Variants in TBC1D32 observed in about 807,000 individuals in gnomAD.
TBC1D32 encodes the protein TBC1 domain family member 32.
A neutral mutation model predicts 170.3 loss-of-function variants in TBC1D32; 151 were observed. That is an observed-to-expected ratio of 0.89 (90% CI 0.78 to 1.01). The LOEUF (loss-of-function observed/expected upper bound fraction) is 1.01. Ranked by LOEUF, TBC1D32 falls within the 50% of genes least tolerant of loss-of-function variation. The pLI is 0.00. For synonymous variants in TBC1D32, 498 were observed against 488.0 expected (o/e 1.02, Z -0.27); for missense variants, 1,464 against 1,457.1 (o/e 1.00, Z -0.08).
intron 17 of TBC1D32, among the ~76,000 whole-genome samples, chr6:121,248,168 C>A (rs1797862188): frequency 6.6e-6 from 1 of 151,782 alleles, no homozygotes; most frequent in Non-Finnish European, 1.5e-5. Context: ...CAAAAGGAAC[C>A]CTCAAAACTA....
Position 121,242,196 on chromosome 6 carries a change from C to T in TBC1D32, c.2157+5G>A. 6.2e-7 allele frequency: 1 copy of T among 1,609,908 alleles called. No individual in the cohort carries two copies. Among genetic ancestry groups the T allele is most frequent in the Non-Finnish European group, 8.5e-7 (1 of 1,178,702 alleles). On this transcript the variant is annotated splice_donor_5th_base_variant and intron_variant, in intron 18 of 31. Coordinates refer to ENST00000398212, the MANE Select transcript of TBC1D32 (RefSeq NM_152730.6). ...CCTTTGCCTTTGGCAGATGGTAATT[C>T]ATACCTGTAATTTTTTTGCATATCG...
chr6:121,183,043 T>TGC (rs534464861), intron 22 of TBC1D32, among the ~76,000 whole-genome samples: 9,809 of 151,616 alleles, frequency 0.065, 621 homozygotes, highest in Admixed American at 0.21. Context: ...AGACTGTGTG[T>TGC]GTGTGTGTTT....
chr6:121,324,907 G>T (rs1452749026), intron 1 of TBC1D32, among the ~76,000 whole-genome samples: 1 of 152,108 alleles, frequency 6.6e-6, no homozygotes, highest in Non-Finnish European at 1.5e-5. Flanking sequence ...GCACGATGAG[G>T]TAAGTCAAAA....
intron 15 of TBC1D32, among the ~76,000 whole-genome samples, chr6:121,277,668 A>T (rs1321716035): frequency 6.6e-6 from 1 of 151,728 alleles, no homozygotes; most frequent in East Asian, 1.9e-4. Flanking sequence ...AATATTATAA[A>T]AAAAGAAAAG....
At chr6:121,211,667 T>C (rs1194044897) in intron 21 of TBC1D32, among the ~76,000 whole-genome samples, 4 of 152,096 alleles carry the variant, frequency 2.6e-5, no homozygotes, top group African/African-American at 9.7e-5. Context: ...TATGGCTGAG[T>C]AGTATTACAT....
chr6:121,126,722 T>C (rs1473104520), intron 25 of TBC1D32, among the ~76,000 whole-genome samples: 1 of 152,120 alleles, frequency 6.6e-6, no homozygotes, highest in Non-Finnish European at 1.5e-5. Context: ...CTAAGAATTA[T>C]TTCAGAATTT....
intron 31 of TBC1D32, among the ~76,000 whole-genome samples, chr6:121,089,030 AGAT>A: frequency 6.6e-6 from 1 of 152,298 alleles, no homozygotes; most frequent in South Asian, 2.1e-4. Flanking sequence ...TCAAATTTAA[AGAT>A]GATGCTTTTG....
At chr6:121,302,452 C>T (rs899680630) in intron 9 of TBC1D32, among the ~76,000 whole-genome samples, 4 of 151,528 alleles carry the variant, frequency 2.6e-5, no homozygotes, top group African/African-American at 9.7e-5. Context: ...AAATTTGTAC[C>T]CCGTTATCTT....
chr6:121,333,648 A>C (rs1391452803), intron 1 of TBC1D32, among the ~76,000 whole-genome samples: 1 of 152,232 alleles, frequency 6.6e-6, no homozygotes, highest in African/African-American at 2.4e-5. Context: ...ACTGACAGGA[A>C]TCCCTTGAAA....
At chr6:121,161,715 T>G (rs1403503205) in intron 22 of TBC1D32, among the ~76,000 whole-genome samples, 2 of 152,242 alleles carry the variant, frequency 1.3e-5, no homozygotes, top group Admixed American at 1.3e-4. Flanking sequence ...ATGGGATTGC[T>G]GGGTCAAATG....
At chr6:121,265,653 A>G (rs950024921) in intron 15 of TBC1D32, among the ~76,000 whole-genome samples, 1 of 152,166 alleles carries the variant, frequency 6.6e-6, no homozygotes, top group Non-Finnish European at 1.5e-5. Context: ...ATCTGGAGGC[A>G]TCATGCTACG....
intron 22 of TBC1D32, among the ~76,000 whole-genome samples, chr6:121,184,687 A>C (rs1241344439): frequency 6.6e-6 from 1 of 151,918 alleles, no homozygotes. Context: ...GACAGATTGG[A>C]TAGTACAGGA....
chr6:121,244,720 T>C (rs1204006139), intron 17 of TBC1D32, among the ~76,000 whole-genome samples: 1 of 152,192 alleles, frequency 6.6e-6, no homozygotes, highest in Non-Finnish European at 1.5e-5. Flanking sequence ...AATAAGTAAA[T>C]ATGGTATGGC....
At chr6:121,220,100 A>G (rs144176785) in intron 21 of TBC1D32, among the ~76,000 whole-genome samples, 3 of 152,050 alleles carry the variant, frequency 2.0e-5, no homozygotes, top group African/African-American at 7.2e-5. Flanking sequence ...ACCTTACAAA[A>G]CCTCTAAGGG....
chr6:121,321,509 A>AT, intron 2 of TBC1D32, 124 bp downstream of exon 2: 1 of 918,160 alleles, frequency 1.1e-6, no homozygotes, highest in Non-Finnish European at 1.6e-6. Context: ...GATCTGACTC[A>AT]TTGTTTTAAA....
intron 22 of TBC1D32, among the ~76,000 whole-genome samples, chr6:121,173,179 C>T (rs114881755): frequency 0.012 from 1,890 of 152,162 alleles, 38 homozygotes; most frequent in African/African-American, 0.043. Context: ...GGTAGAAGAG[C>T]GTGGAAAGAC....
intron 1 of TBC1D32, among the ~76,000 whole-genome samples, chr6:121,327,154 A>T (rs1359578693): frequency 6.6e-6 from 1 of 152,172 alleles, no homozygotes; most frequent in Non-Finnish European, 1.5e-5. Flanking sequence ...AAGAGTTAAA[A>T]AAAACTACCT....
At chr6:121,117,647 G>C (rs569637854) in intron 26 of TBC1D32, among the ~76,000 whole-genome samples, 10 of 152,066 alleles carry the variant, frequency 6.6e-5, no homozygotes, top group African/African-American at 2.2e-4. Flanking sequence ...GGTGGGAGTG[G>C]GCTGAGATCA....
At chr6:121,154,499 A>T (rs1784624416) in intron 24 of TBC1D32, among the ~76,000 whole-genome samples, 1 of 152,178 alleles carries the variant, frequency 6.6e-6, no homozygotes, top group Non-Finnish European at 1.5e-5. Flanking sequence ...AGGCCCTGTT[A>T]GATTCTTGAT....
Sources: allele counts gnomAD v4.1 joint callset (sites outside exome capture counted in the v4.1 genomes callset), GRCh38; gene constraint gnomAD v4.1.1; transcripts MANE v1.5; gene names NCBI Gene and HGNC (gene_info 2026-07-23, HGNC 2026-07-21).